Variants in MTUS1 observed in about 807,000 individuals in gnomAD.
The protein encoded by MTUS1 is microtubule-associated tumor suppressor 1.
A neutral mutation model predicts 120.8 loss-of-function variants in MTUS1; 109 were observed. The ratio of observed to expected loss-of-function variants is 0.90; its 90% CI spans 0.77 to 1.06. MTUS1 has a LOEUF of 1.06. Ranked by LOEUF, MTUS1 falls within the 50% of genes least tolerant of loss-of-function variation. The pLI is 0.00. For synonymous variants in MTUS1, 737 were observed against 550.5 expected, an observed-to-expected ratio of 1.34 and a Z score of -4.74; for missense variants, 2,210 against 1,486.3, an observed-to-expected ratio of 1.49 and a Z score of -8.01.
In MTUS1 at chr8:17,656,000, C is replaced by T; in HGVS notation, c.2971G>A (p.Ala991Thr). ...ARNELQTVYE[A>T]FVQQHQAEKT... is the part of the protein sequence containing the mutation. Reference sequence around the variant, plus strand: ...TCAGCCTGGTGCTGCTGGACGAATGCTTCATACACTGTTTGTAACTCATTC... The same window carrying T: ...TCAGCCTGGTGCTGCTGGACGAATGTTTCATACACTGTTTGTAACTCATTC... The change falls in exon 9 of 15, where the codon GCA becomes ACA. Residue 991 changes from alanine (A) to threonine (T), a missense_variant. Coordinates refer to ENST00000693296, the MANE Select transcript of MTUS1 (RefSeq NM_001363059.2). 1 of 1,614,200 alleles carries T rather than the reference C, an allele frequency of 6.2e-7. No individual in the cohort carries two copies. Among genetic ancestry groups the T allele is most frequent in the Non-Finnish European group, 8.5e-7 (1 of 1,180,038 alleles).
intron 6 of MTUS1, chr8:17,705,847 C>T (rs1041924781): frequency 6.6e-6 from 1 of 152,220 alleles, no homozygotes; most frequent in Non-Finnish European, 1.5e-5. Flanking sequence ...CTTGTGTAAA[C>T]CAATCAGGGT....
intron 5 of MTUS1, among the ~76,000 whole-genome samples, chr8:17,715,467 C>A: frequency 6.6e-6 from 1 of 152,088 alleles, no homozygotes; most frequent in Non-Finnish European, 1.5e-5. Context: ...TGCATTTCTA[C>A]TCCTTTCTCA....
chr8:17,714,850 G>C (rs1047082053), intron 5 of MTUS1, among the ~76,000 whole-genome samples: 1 of 144,484 alleles, frequency 6.9e-6, no homozygotes, highest in African/African-American at 2.6e-5. Flanking sequence ...ACAATTATTC[G>C]CTCAGGCTTT....
At chr8:17,676,828 G>C (rs980866444) in intron 7 of MTUS1, among the ~76,000 whole-genome samples, 2 of 152,148 alleles carry the variant, frequency 1.3e-5, no homozygotes, top group South Asian at 2.1e-4. Flanking sequence ...GAAGAGCAAG[G>C]AAAGGGGCAT....
At chr8:17,697,278 T>G in intron 6 of MTUS1, 1 of 1,613,956 alleles carries the variant, frequency 6.2e-7, no homozygotes, top group Non-Finnish European at 8.5e-7. Context: ...ACAACAGTGC[T>G]TCTCCTAAAC....
intron 5 of MTUS1, among the ~76,000 whole-genome samples, chr8:17,714,432 C>A (rs1006950345): frequency 2.0e-5 from 3 of 152,010 alleles, no homozygotes; most frequent in African/African-American, 7.3e-5. Flanking sequence ...GCAGGTTAAC[C>A]CAGTAATTCC....
intron 2 of MTUS1, among the ~76,000 whole-genome samples, chr8:17,748,725 C>CCCGCAAG (rs1311718957): frequency 6.7e-6 from 1 of 149,318 alleles, no homozygotes; most frequent in Non-Finnish European, 1.5e-5. Flanking sequence ...AGAGGTTGAG[C>CCCGCAAG]ATGGCGGGCT....
chr8:17,707,018 T>A (rs1056987057), intron 6 of MTUS1, among the ~76,000 whole-genome samples: 1 of 152,204 alleles, frequency 6.6e-6, no homozygotes, highest in Non-Finnish European at 1.5e-5. Flanking sequence ...AACTGTAATC[T>A]CCACCACTAC....
intron 6 of MTUS1, among the ~76,000 whole-genome samples, chr8:17,706,763 C>T (rs571913861): frequency 1.2e-4 from 19 of 152,274 alleles, no homozygotes; most frequent in Non-Finnish European, 2.2e-4. Flanking sequence ...GAATGTGATA[C>T]AGAAGCACCC....
intron 6 of MTUS1, among the ~76,000 whole-genome samples, chr8:17,712,740 T>C (rs947578998): frequency 6.6e-6 from 1 of 151,868 alleles, no homozygotes; most frequent in African/African-American, 2.4e-5. Flanking sequence ...TTGAGAGACA[T>C]AAAGTTTTGG....
intron 4 of MTUS1, among the ~76,000 whole-genome samples, chr8:17,717,332 A>T (rs2131055346): frequency 6.6e-6 from 1 of 152,304 alleles, no homozygotes; most frequent in South Asian, 2.1e-4. Context: ...AATGGGAGTG[A>T]CAGTATTAAA....
chr8:17,769,911 C>T (rs2049892617), intron 1 of MTUS1, among the ~76,000 whole-genome samples: 1 of 120,948 alleles, frequency 8.3e-6, no homozygotes. Context: ...CACACACACA[C>T]ACACACACAC....
Position 17,725,570 on chromosome 8 carries a change from A to G in MTUS1, c.2288-1737T>C, listed in dbSNP as rs375861487. On this transcript the variant is annotated intron_variant, in intron 3 of 14. Transcript: ENST00000693296. ...GAATCCTTATTTAACCCTTTATATC[A>G]TTGTCTAAACTGTATTGGACTCCTA... Among the ~76,000 whole-genome samples, 21 of 152,168 alleles carry G rather than the reference A, an allele frequency of 1.4e-4. No individual in the cohort carries two copies. The East Asian group carries it at 3.1e-3, about 22-fold the overall frequency.
chr8:17,716,178 T>C (rs1039117279), intron 4 of MTUS1, among the ~76,000 whole-genome samples: 2 of 151,962 alleles, frequency 1.3e-5, no homozygotes, highest in Non-Finnish European at 2.9e-5. Flanking sequence ...CAGATAAGAG[T>C]TGGGGAAGAA....
intron 6 of MTUS1, among the ~76,000 whole-genome samples, chr8:17,711,657 T>G (rs962957664): frequency 4.6e-5 from 7 of 152,222 alleles, no homozygotes; most frequent in Admixed American, 4.6e-4. Context: ...TTTAATTTTC[T>G]TCAAGAACTT....
At position 17,755,054 on chromosome 8, in the gene MTUS1, G is replaced by A; in HGVS notation, c.754C>T (p.Gln252Ter). 6.2e-7 allele frequency: 1 copy of A among 1,613,746 alleles called. No individual in the cohort carries two copies. The highest frequency in any genetic ancestry group is 1.3e-5 in the African/African-American group (1 of 75,050). Residue 252 changes from glutamine (Q) to a stop codon, truncating the protein, a stop_gained, in exon 2 of 15, where the codon CAA becomes TAA. Coordinates refer to ENST00000693296, the MANE Select transcript of MTUS1 (RefSeq NM_001363059.2). LOFTEE classifies it high-confidence loss of function. ...ATATCTGAAACAAAAACCTCACTTT[G>A]CATCACCACATCAGAAAATGCTGTG... is the stretch of plus-strand genomic sequence containing the variant. Reference protein sequence around the residue: ...TYTAFSDVVMQSEVFVSDIGN... With the variant: ...TYTAFSDVVM
In MTUS1 at chr8:17,702,122, T is replaced by C. The variant is rs371415185; in HGVS notation, c.2623+11092A>G. The stretch of plus-strand genomic sequence containing the variant: ...CAGTCAATAAGTAAATAAATTACTT[T>C]CCTAGGACCAATTCTGAAAAACAGA... On this transcript the variant is annotated intron_variant, in intron 6 of 14. Transcript: ENST00000693296. Among the ~76,000 whole-genome samples the C allele has an allele frequency of 6.6e-5, 10 of 152,204 alleles. No homozygotes were observed. In the East Asian group the frequency reaches 1.3e-3, roughly 21 times the overall value.
At chr8:17,676,183 T>C in intron 7 of MTUS1, 1 of 694,958 alleles carries the variant, frequency 1.4e-6, no homozygotes, top group Non-Finnish European at 2.6e-6. Flanking sequence ...CAAGAGTTGC[T>C]TGTCATTCAA....
At chr8:17,678,337 G>A (rs568930052) in intron 7 of MTUS1, among the ~76,000 whole-genome samples, 121 of 151,776 alleles carry the variant, frequency 8.0e-4, no homozygotes, top group African/African-American at 2.8e-3. Context: ...TCTTTGTATT[G>A]TAACATGCAG....
Sources: gnomAD v4.1 joint callset for allele counts (sites outside exome capture counted in the v4.1 genomes callset) on GRCh38, gnomAD v4.1.1 for gene constraint, MANE v1.5 for transcripts, NCBI Gene and HGNC (gene_info 2026-07-23, HGNC 2026-07-21) for gene names.